ATP7B: variants seen among roughly 807,000 people sequenced by gnomAD.
ATP7B encodes ATPase copper transporting beta.
A neutral mutation model predicts 118.9 loss-of-function variants in ATP7B; 113 were observed. That is an observed-to-expected ratio of 0.95 (90% CI 0.82 to 1.11). The LOEUF is 1.11. Among genes scored for constraint, ATP7B ranks in the 50% most tolerant of loss-of-function variants. The pLI, the probability that ATP7B is intolerant of heterozygous loss-of-function variation, is 0.00. For missense variants in ATP7B, 1,867 were observed against 1,871.4 expected (o/e 1.00, Z 0.04); for synonymous variants, 777 against 727.4 (o/e 1.07, Z -1.10).
At position 51,989,121 on chromosome 13, in the gene ATP7B, C is replaced by T. The variant is rs146669415; in HGVS notation, c.52-13953G>A. Among the ~76,000 whole-genome samples the T allele has an allele frequency of 2.1e-4, 32 of 152,236 alleles. 2 individuals are homozygous for T. In the East Asian group the frequency reaches 6.0e-3, roughly 28 times the overall value. ...ATGACTATGAAGACAAACATCACCTCATTTGATCTTCAAACATGACCCAGG... is the reference window on the plus strand; with the variant it reads ...ATGACTATGAAGACAAACATCACCTTATTTGATCTTCAAACATGACCCAGG... On this transcript the variant is annotated intron_variant, in intron 1 of 20. Transcript: ENST00000242839.
intron 13 of ATP7B, 121 bp downstream of exon 13, chr13:51,946,163 C>T: frequency 6.7e-6 from 9 of 1,343,870 alleles, no homozygotes; most frequent in Non-Finnish European, 1.0e-6. Flanking sequence ...TACTTGACTT[C>T]CTATTCTATG....
rs75454286 is a variant in ATP7B at position 51,973,576 on chromosome 13, G to A, written c.1285+359C>T. 5.6e-3 allele frequency among the ~76,000 whole-genome samples: 859 copies of A among 152,248 alleles called. 10 individuals carry two copies. The highest frequency in any genetic ancestry group is 0.018 in the African/African-American group (754 of 41,554). ...CTGCCATGTGATGCCCTGTGGCACC[G>A]GAGTCCCCACTGGCAGAAGGCTCTC... On this transcript the variant is annotated intron_variant, in intron 2 of 20. Transcript: ENST00000242839.
In ATP7B at chr13:51,949,811, C is replaced by T; in HGVS notation, c.2731-15G>A. 1 of 1,613,892 alleles carries T rather than the reference C, an allele frequency of 6.2e-7. No homozygotes were observed. The highest frequency in any genetic ancestry group is 8.5e-7 in the Non-Finnish European group (1 of 1,180,026). ...TGAATGGGTGCCTATGAAAATAAAA[C>T]ACCAAGACCATGGGAAATTACAACC... On this transcript the variant is annotated splice_polypyrimidine_tract_variant and intron_variant, in intron 11 of 20. Coordinates refer to ENST00000242839, the MANE Select transcript of ATP7B (RefSeq NM_000053.4).
In ATP7B at chr13:51,949,723, G is replaced by A. The variant is rs750019452; in HGVS notation, c.2804C>T (p.Thr935Met). The change falls in exon 12 of 21, where the codon ACG becomes ATG. Residue 935 changes from threonine to methionine, a missense_variant. Thr to Met is a moderately conservative substitution (Grantham distance 81, BLOSUM62 -1). Coordinates refer to ENST00000242839, the MANE Select transcript of ATP7B (RefSeq NM_000053.4). ...ACCGATTACAATCCATACCACCAAC[G>A]TCAAAGTTGACATGATGATGATAAA... The part of the protein sequence containing the change: ...VPFIIIMSTL[T>M]LVVWIVIGFI... The A allele has an allele frequency of 4.3e-5, 70 of 1,613,884 alleles. 1 individual carries two copies. The East Asian group carries it at 6.5e-4, about 15-fold the overall frequency.
At chr13:51,999,781 G>A (rs963025871) in intron 1 of ATP7B, among the ~76,000 whole-genome samples, 3 of 152,092 alleles carry the variant, frequency 2.0e-5, no homozygotes, top group Non-Finnish European at 2.9e-5. Context: ...ACGAACTGCG[G>A]GAGGACCCGT....
Position 51,946,347 on chromosome 13 carries a change from G to C in ATP7B, c.2997C>G (p.Thr999=), listed in dbSNP as rs199581971. Residue 999 remains threonine (T), a synonymous_variant, in exon 13 of 21, where the codon ACC becomes ACG. Transcript: ENST00000242839. ...GGATGCCGTTCTGCGCGGCCACCCC[G>C]GTGCCCACCATGACAGCCGTGGGCG... ...LATPTAVMVG[T]GVAAQNGILI... is the part of the protein sequence containing the mutation. The C allele has an allele frequency of 3.3e-5, 53 of 1,611,370 alleles. No individual in the cohort carries two copies. Among genetic ancestry groups the C allele is most frequent in the Non-Finnish European group, 4.3e-5 (51 of 1,179,274 alleles).
At position 51,957,412 on chromosome 13, in the gene ATP7B, C is replaced by A. The variant is rs192166380; in HGVS notation, c.2447+104G>T. 2,066 of 1,182,968 alleles carry A rather than the reference C, an allele frequency of 1.7e-3. 14 individuals carry two copies. Among genetic ancestry groups the A allele is most frequent in the Non-Finnish European group, 1.3e-3 (1,066 of 795,126 alleles). The allele number at this position is 1,182,968 out of a possible 1,614,324, so 73.3% of individuals were successfully genotyped here. ...GGTGATCTTACTGTGTCTCTGCCCA[C>A]ACTCACAAGGTCTATTGCAATGTCA... On this transcript the variant is annotated intron_variant, in intron 9 of 20. Transcript: ENST00000242839.
chr13:51,963,434 AT>A (rs1958879336), intron 5 of ATP7B, among the ~76,000 whole-genome samples: 1 of 151,956 alleles, frequency 6.6e-6, no homozygotes, highest in South Asian at 2.1e-4. Flanking sequence ...GATCATTTCC[AT>A]GTCAAAAAGC....
intron 1 of ATP7B, among the ~76,000 whole-genome samples, chr13:51,999,813 T>C (rs1345787765): frequency 1.3e-5 from 2 of 152,146 alleles, no homozygotes; most frequent in Non-Finnish European, 2.9e-5. Context: ...GCAGTCCAAC[T>C]ACCCCCTAGT....
chr13:51,938,868 G>A (rs547199818), intron 17 of ATP7B, among the ~76,000 whole-genome samples, 183 bp downstream of exon 17: 2 of 152,228 alleles, frequency 1.3e-5, no homozygotes, highest in Admixed American at 6.5e-5. Flanking sequence ...AGAGATCTTC[G>A]CACAGCACCA....
rs765192837 is a variant in ATP7B at position 51,970,728 on chromosome 13, A to T, written c.1307T>A (p.Leu436His). The change falls in exon 3 of 21, where the codon CTT becomes CAT. Residue 436 changes from leucine to histidine, a missense_variant. Transcript: ENST00000242839. Reference protein sequence around the residue: ...VVSESCSTNPLGNHSAGNSMV... With the variant: ...VVSESCSTNPHGNHSAGNSMV... The stretch of plus-strand genomic sequence containing the variant: ...GGAATTCCCAGCACTGTGGTTTCCA[A>T]GAGGGTTAGTAGAACAGCTTTCTAG... 6.2e-7 allele frequency: 1 copy of T among 1,613,788 alleles called. No individual in the cohort carries two copies. The highest frequency in any genetic ancestry group is 8.5e-7 in the Non-Finnish European group (1 of 1,179,872).
rs561174679 is a variant in ATP7B, at chr13:51,969,807, A to C, written c.1543+685T>G. Among the ~76,000 whole-genome samples, 3 of 152,324 alleles carry C rather than the reference A, an allele frequency of 2.0e-5. No individual in the cohort carries two copies. The South Asian group carries it at 6.2e-4, about 32-fold the overall frequency. ...CACTCTAGAGCTGCAGGAAGCTATA[A>C]TGCATAGTGAACAAGAGGCTGGAAA... On this transcript the variant is annotated intron_variant, in intron 3 of 20. Coordinates refer to ENST00000242839, the MANE Select transcript of ATP7B (RefSeq NM_000053.4).
intron 13 of ATP7B, among the ~76,000 whole-genome samples, chr13:51,946,027 G>A (rs1277560794): frequency 1.3e-5 from 2 of 152,178 alleles, no homozygotes; most frequent in African/African-American, 2.4e-5. Context: ...TTCCTCATCT[G>A]TAAAATGGGA....
At position 51,960,042 on chromosome 13, in the gene ATP7B, G is replaced by A. The variant is rs1429804336; in HGVS notation, c.2121+106C>T. 3 of 1,413,686 alleles carry A rather than the reference G, an allele frequency of 2.1e-6. No homozygotes were observed. The African/African-American group carries it at 4.2e-5, about 20-fold the overall frequency. The allele number at this position is 1,413,686 out of a possible 1,614,324, so 87.6% of individuals were successfully genotyped here. On this transcript the variant is annotated intron_variant, in intron 7 of 20. Coordinates refer to ENST00000242839, the MANE Select transcript of ATP7B (RefSeq NM_000053.4). ...TGGGGCAGGAAAGCTGCAATAAAGT[G>A]CCATTTAAACCAAGCTAAAGCACTA...
Position 51,946,425 on chromosome 13 carries a change from C to T in ATP7B, c.2919G>A (p.Gln973=), listed in dbSNP as rs537498754. ...QTEVIIRFAF[Q]TSITVLCIAC... ...CAATGCACAGCACCGTGATGGACGTCTGGAAAGCAAACCGGATGATCACCT... is the reference window on the plus strand; with the variant it reads ...CAATGCACAGCACCGTGATGGACGTTTGGAAAGCAAACCGGATGATCACCT... The change falls in exon 13 of 21, where the codon CAG becomes CAA. Residue 973 remains glutamine (Q), a synonymous_variant. Transcript: ENST00000242839. The T allele has an allele frequency of 6.2e-7, 1 of 1,614,206 alleles. No individual in the cohort carries two copies. Among genetic ancestry groups the T allele is most frequent in the East Asian group, 2.2e-5 (1 of 44,886 alleles).
intron 1 of ATP7B, among the ~76,000 whole-genome samples, chr13:51,989,370 T>C (rs1281376347): frequency 1.3e-5 from 2 of 152,208 alleles, no homozygotes; most frequent in Non-Finnish European, 2.9e-5. Context: ...CAGGGCTATG[T>C]GTGCATTAAC....
chr13:52,011,455 T>TTGGCG, upstream of ATP7B: 1 of 1,222,834 alleles, frequency 8.2e-7, no homozygotes, highest in Non-Finnish European at 1.2e-6. Flanking sequence ...TGTGAGGGCA[T>TTGGCG]CGGCGCGGCT....
At chr13:51,952,514 T>C (rs79248196) in intron 9 of ATP7B, among the ~76,000 whole-genome samples, 1 of 152,364 alleles carries the variant, frequency 6.6e-6, no homozygotes, top group South Asian at 2.1e-4. Flanking sequence ...GATTTTTACA[T>C]GTTTTACCTC....
chr13:51,960,224 A>G lies in ATP7B; in HGVS notation c.2045T>C (p.Met682Thr), dbSNP rs745980603. 6.2e-7 allele frequency: 1 copy of G among 1,613,982 alleles called. No homozygotes were observed. The highest frequency in any genetic ancestry group is 1.1e-5 in the South Asian group (1 of 91,076). Reference sequence around the variant, plus strand: ...TGGAATGATGTTGTGGTCCAGGACCATGGACTGGTGGGGCTCGTTGCTGGG... The same window carrying G: ...TGGAATGATGTTGTGGTCCAGGACCGTGGACTGGTGGGGCTCGTTGCTGGG... ...LIPSNEPHQS[M>T]VLDHNIIPGL... The change falls in exon 7 of 21, where the codon ATG (methionine) becomes ACG (threonine). Residue 682 changes from methionine (M) to threonine (T), a missense_variant. Physicochemically the swap from Met to Thr is moderately conservative, Grantham distance 81. Transcript: ENST00000242839.
Sources: gnomAD v4.1 joint callset for allele counts (sites outside exome capture counted in the v4.1 genomes callset) on GRCh38, gnomAD v4.1.1 for gene constraint, MANE v1.5 for transcripts, NCBI Gene and HGNC (gene_info 2026-07-23, HGNC 2026-07-21) for gene names.